Variants in BCKDHB observed in about 807,000 individuals in gnomAD.
BCKDHB encodes the protein branched chain keto acid dehydrogenase E1 subunit beta, also known as 2-oxoisovalerate dehydrogenase subunit beta, mitochondrial.
Under a neutral mutation model 48.5 loss-of-function variants are expected in BCKDHB, and 41 were observed. The observed-to-expected ratio is 0.85, with a 90% CI of 0.66 to 1.10. The LOEUF (loss-of-function observed/expected upper bound fraction) is 1.10. Ranked by LOEUF, BCKDHB falls within the 50% of genes least tolerant of loss-of-function variation. BCKDHB has a pLI of 0.00. For synonymous variants in BCKDHB, 201 were observed against 174.8 expected, an observed-to-expected ratio of 1.15 and a Z score of -1.18; for missense variants, 496 against 494.2, an observed-to-expected ratio of 1.00 and a Z score of -0.03.
intron 9 of BCKDHB, among the ~76,000 whole-genome samples, chr6:80,322,961 TTGA>T (rs1431040043): frequency 6.6e-6 from 1 of 151,598 alleles, no homozygotes; most frequent in Non-Finnish European, 1.5e-5. Flanking sequence ...TTAACTAATC[TTGA>T]TGAATCAATT....
At chr6:80,231,883 T>A (rs1167653674) in intron 8 of BCKDHB, among the ~76,000 whole-genome samples, 1 of 152,152 alleles carries the variant, frequency 6.6e-6, no homozygotes, top group Non-Finnish European at 1.5e-5. Context: ...GAGAATTGCT[T>A]GAACCCAGCG....
chr6:80,180,359 G>T (rs768718250), intron 6 of BCKDHB, among the ~76,000 whole-genome samples: 2 of 152,116 alleles, frequency 1.3e-5, no homozygotes. Flanking sequence ...GGTAGATAAG[G>T]CAGAAAAATC....
chr6:80,258,274 C>A (rs1005883024), intron 8 of BCKDHB, among the ~76,000 whole-genome samples: 2 of 152,162 alleles, frequency 1.3e-5, no homozygotes, highest in African/African-American at 4.8e-5. Context: ...TCACCTGTTC[C>A]TCATCAGCTT....
intron 3 of BCKDHB, among the ~76,000 whole-genome samples, chr6:80,144,973 G>A (rs1771409110): frequency 6.6e-6 from 1 of 152,104 alleles, no homozygotes; most frequent in Admixed American, 6.6e-5. Flanking sequence ...ATGTTCCAGG[G>A]AAGTACAGGA....
intron 5 of BCKDHB, among the ~76,000 whole-genome samples, chr6:80,169,428 TCACAGGGATAA>T (rs923594098): frequency 6.6e-6 from 1 of 152,182 alleles, no homozygotes; most frequent in Non-Finnish European, 1.5e-5. Context: ...TACCTCAAAG[TCACAGGGATAA>T]CACTTTTGCT....
intron 9 of BCKDHB, among the ~76,000 whole-genome samples, chr6:80,288,685 G>A (rs539061863): frequency 2.0e-5 from 3 of 152,150 alleles, no homozygotes; most frequent in South Asian, 4.2e-4. Context: ...TGCCTAAGCC[G>A]ACTGTACTTT....
At chr6:80,207,308 G>C (rs1164676911) in intron 8 of BCKDHB, among the ~76,000 whole-genome samples, 3 of 151,822 alleles carry the variant, frequency 2.0e-5, no homozygotes, top group Non-Finnish European at 4.4e-5. Context: ...TGTTGTTCTA[G>C]GATTATTATG....
chr6:80,380,166 ACAT>A, the BCKDHB span, among the ~76,000 whole-genome samples: 1 of 152,132 alleles, frequency 6.6e-6, no homozygotes, highest in Non-Finnish European at 1.5e-5. Flanking sequence ...TGGAGGCATC[ACAT>A]TGCCTGACTT....
At chr6:80,246,923 CCAGA>C (rs1308541180) in intron 8 of BCKDHB, among the ~76,000 whole-genome samples, 1 of 152,018 alleles carries the variant, frequency 6.6e-6, no homozygotes, top group African/African-American at 2.4e-5. Flanking sequence ...CTTCAAGGGC[CCAGA>C]CAATGTTTAA....
At chr6:80,406,196 A>C in the BCKDHB span, among the ~76,000 whole-genome samples, 1 of 152,184 alleles carries the variant, frequency 6.6e-6, no homozygotes, top group Non-Finnish European at 1.5e-5. Flanking sequence ...TGGTGTATAT[A>C]TGCCACATTT....
At chr6:80,371,920 C>T in the BCKDHB span, among the ~76,000 whole-genome samples, 1 of 152,034 alleles carries the variant, frequency 6.6e-6, no homozygotes, top group East Asian at 1.9e-4. Flanking sequence ...AATGTGATGC[C>T]TCCAAATTTG....
At chr6:80,134,431 G>A (rs1367640324) in intron 3 of BCKDHB, among the ~76,000 whole-genome samples, 1 of 152,166 alleles carries the variant, frequency 6.6e-6, no homozygotes, top group Non-Finnish European at 1.5e-5. Flanking sequence ...GGACAGGCAT[G>A]CGGTGAAGGC....
intron 6 of BCKDHB, among the ~76,000 whole-genome samples, chr6:80,179,369 A>G (rs1773309392): frequency 6.6e-6 from 1 of 152,200 alleles, no homozygotes; most frequent in African/African-American, 2.4e-5. Flanking sequence ...AAATATTTGA[A>G]AAAATAATTA....
the BCKDHB span, among the ~76,000 whole-genome samples, chr6:80,425,080 C>T: frequency 6.6e-6 from 1 of 152,152 alleles, no homozygotes; most frequent in Admixed American, 6.5e-5. Flanking sequence ...AGTGGAACAG[C>T]TCACTGATAG....
intron 3 of BCKDHB, among the ~76,000 whole-genome samples, chr6:80,132,318 C>A (rs1246635417): frequency 1.3e-5 from 2 of 152,124 alleles, no homozygotes; most frequent in Non-Finnish European, 2.9e-5. Flanking sequence ...ATAACTCCCA[C>A]CAGAAAGTTG....
intron 8 of BCKDHB, among the ~76,000 whole-genome samples, chr6:80,257,323 G>A (rs1241155986): frequency 7.0e-6 from 1 of 142,958 alleles, no homozygotes; most frequent in African/African-American, 2.5e-5. Flanking sequence ...CACATGCTAT[G>A]TGTGTATATG....
chr6:80,355,272 C>A, the BCKDHB span, among the ~76,000 whole-genome samples: 60 of 151,882 alleles, frequency 4.0e-4, 1 homozygote, highest in South Asian at 0.013. Context: ...TGGTGGTACA[C>A]GCCTGTAATC....
intron 6 of BCKDHB, among the ~76,000 whole-genome samples, chr6:80,195,163 A>ATT (rs5877699): frequency 6.6e-5 from 10 of 150,656 alleles, no homozygotes; most frequent in East Asian, 5.8e-4. Context: ...AATTCTACAG[A>ATT]TTTTTTTTTT....
intron 3 of BCKDHB, among the ~76,000 whole-genome samples, chr6:80,160,898 T>G (rs1772279884): frequency 6.6e-6 from 1 of 152,222 alleles, no homozygotes; most frequent in African/African-American, 2.4e-5. Context: ...TTTCTTTTAT[T>G]TTAGTTATCT....
Sources: allele counts gnomAD v4.1 joint callset (sites outside exome capture counted in the v4.1 genomes callset), GRCh38; gene constraint gnomAD v4.1.1; transcripts MANE v1.5; gene names NCBI Gene and HGNC (gene_info 2026-07-23, HGNC 2026-07-21).